Variants in CACNA2D3 observed in about 807,000 individuals in gnomAD.
CACNA2D3 encodes calcium voltage-gated channel auxiliary subunit alpha2delta 3.
In CACNA2D3, 60 loss-of-function variants were observed where a neutral mutation model predicts 160.6. That is an observed-to-expected ratio of 0.37 (90% CI 0.30 to 0.46). The LOEUF is 0.46. CACNA2D3 is among the 20% of genes least tolerant of loss of function. The pLI, the probability that CACNA2D3 is intolerant of heterozygous loss-of-function variation, is 1.00. For missense variants in CACNA2D3, 1,205 were observed against 1,365.0 expected (o/e 0.88, Z 1.85); for synonymous variants, 558 against 492.9 (o/e 1.13, Z -1.75).
chr3:54,538,822 G>T (rs1002874763), intron 5 of CACNA2D3, among the ~76,000 whole-genome samples: 9 of 152,194 alleles, frequency 5.9e-5, no homozygotes, highest in South Asian at 4.1e-4. Flanking sequence ...GGCGGGACCA[G>T]AAGAGTCCAT....
chr3:54,152,215 T>G (rs1559864265), intron 2 of CACNA2D3, among the ~76,000 whole-genome samples: 1 of 152,192 alleles, frequency 6.6e-6, no homozygotes, highest in Non-Finnish European at 1.5e-5. Flanking sequence ...GGCACCAACA[T>G]GTAGTGGTTA....
rs556185051 is a variant in CACNA2D3, at chr3:54,134,343, G to A, written c.204+10749G>A. Reference sequence around the variant, plus strand: ...CCTTAAATTTCCCCAGGGCGTGCTTGCTCTTTCTGACCTGGAGAGGCTCCC... The same window carrying A: ...CCTTAAATTTCCCCAGGGCGTGCTTACTCTTTCTGACCTGGAGAGGCTCCC... On this transcript the variant is annotated intron_variant, in intron 2 of 37. Transcript: ENST00000474759. Among the ~76,000 whole-genome samples, 6 of 152,250 alleles carry A rather than the reference G, an allele frequency of 3.9e-5. No homozygotes were observed. In the South Asian group the frequency reaches 1.2e-3, roughly 32 times the overall value.
At chr3:54,975,815 A>T (rs1254265300) in intron 29 of CACNA2D3, among the ~76,000 whole-genome samples, 1 of 152,144 alleles carries the variant, frequency 6.6e-6, no homozygotes, top group African/African-American at 2.4e-5. Context: ...TAGCTCAAGA[A>T]TTGCTATGCC....
intron 27 of CACNA2D3, among the ~76,000 whole-genome samples, chr3:54,945,346 T>C (rs1329886591): frequency 6.6e-6 from 1 of 152,214 alleles, no homozygotes; most frequent in African/African-American, 2.4e-5. Context: ...CCTTACTCTG[T>C]AGTATCTTGG....
intron 11 of CACNA2D3, among the ~76,000 whole-genome samples, chr3:54,673,975 A>G (rs928310090): frequency 1.4e-4 from 21 of 152,232 alleles, no homozygotes; most frequent in Admixed American, 8.5e-4. Flanking sequence ...TGTGTCTTCC[A>G]TGGCTGATGA....
At chr3:54,706,523 C>G (rs995876028) in intron 11 of CACNA2D3, among the ~76,000 whole-genome samples, 10 of 152,150 alleles carry the variant, frequency 6.6e-5, no homozygotes, top group African/African-American at 1.9e-4. Flanking sequence ...AAAATGGTAT[C>G]TATCCTCAGG....
chr3:54,514,226 G>T (rs1279553473), intron 5 of CACNA2D3, among the ~76,000 whole-genome samples: 1 of 152,106 alleles, frequency 6.6e-6, no homozygotes, highest in Non-Finnish European at 1.5e-5. Flanking sequence ...GGATATTTCT[G>T]TTGGGAATGA....
At chr3:55,045,373 G>A (rs1022834545) in intron 35 of CACNA2D3, among the ~76,000 whole-genome samples, 1 of 152,112 alleles carries the variant, frequency 6.6e-6, no homozygotes, top group African/African-American at 2.4e-5. Context: ...TTATAATGCT[G>A]TCATCTGGTT....
intron 9 of CACNA2D3, among the ~76,000 whole-genome samples, chr3:54,592,341 C>T (rs1702875387): frequency 6.6e-6 from 1 of 152,176 alleles, no homozygotes; most frequent in Admixed American, 6.5e-5. Context: ...AGCACACCAT[C>T]CCTGAAGAGG....
intron 11 of CACNA2D3, among the ~76,000 whole-genome samples, chr3:54,701,715 T>C (rs1700770456): frequency 6.6e-6 from 1 of 152,184 alleles, no homozygotes; most frequent in South Asian, 2.1e-4. Context: ...AAACTACTAA[T>C]GTCATTTTTC....
intron 3 of CACNA2D3, among the ~76,000 whole-genome samples, chr3:54,343,194 C>A (rs569877791): frequency 1.3e-5 from 2 of 152,192 alleles, no homozygotes; most frequent in African/African-American, 4.8e-5. Context: ...TAAAGCCCCC[C>A]CCTCCCACGA....
At chr3:54,598,510 G>T (rs533016949) in intron 9 of CACNA2D3, among the ~76,000 whole-genome samples, 1 of 152,088 alleles carries the variant, frequency 6.6e-6, no homozygotes, top group Admixed American at 6.5e-5. Context: ...TTTATTGAGA[G>T]GTGTTTACAT....
intron 35 of CACNA2D3, among the ~76,000 whole-genome samples, chr3:55,030,624 G>T (rs561679414): frequency 6.6e-6 from 1 of 152,080 alleles, no homozygotes; most frequent in Non-Finnish European, 1.5e-5. Flanking sequence ...TATAATAATT[G>T]GGATTAAAAC....
intron 25 of CACNA2D3, among the ~76,000 whole-genome samples, chr3:54,894,088 T>C (rs2106874080): frequency 6.6e-6 from 1 of 152,320 alleles, no homozygotes; most frequent in South Asian, 2.1e-4. Context: ...GAGACTCAAT[T>C]ACTCACTCAG....
intron 11 of CACNA2D3, among the ~76,000 whole-genome samples, chr3:54,655,962 T>G (rs537104162): frequency 3.6e-4 from 55 of 152,338 alleles, no homozygotes; most frequent in African/African-American, 1.3e-3. Context: ...TGTGGTTCCC[T>G]CATTTAGAAA....
intron 13 of CACNA2D3, among the ~76,000 whole-genome samples, chr3:54,803,103 A>T (rs1638551586): frequency 6.6e-6 from 1 of 152,182 alleles, no homozygotes; most frequent in Non-Finnish European, 1.5e-5. Flanking sequence ...AACCACAAAG[A>T]TGGGGAAAAA....
chr3:54,733,276 A>G (rs750561607), intron 11 of CACNA2D3, among the ~76,000 whole-genome samples: 1 of 152,226 alleles, frequency 6.6e-6, no homozygotes, highest in Non-Finnish European at 1.5e-5. Context: ...TGAGTTACCC[A>G]CGTCACTTGG....
intron 4 of CACNA2D3, among the ~76,000 whole-genome samples, chr3:54,422,153 T>G: frequency 6.6e-6 from 1 of 152,240 alleles, no homozygotes; most frequent in Admixed American, 6.5e-5. Flanking sequence ...TAATTGAACC[T>G]GGTAACGATG....
chr3:54,846,446 G>A lies in CACNA2D3; in HGVS notation c.1605G>A (p.Thr535=), dbSNP rs778939933. The change falls in exon 17 of 38, where the codon ACG becomes ACA. Residue 535 remains threonine, a synonymous_variant. Transcript: ENST00000474759. ...FAITNNGYIL[T]HPELRLLYEE... Reference sequence around the variant, plus strand: ...TCACAAATAATGGATATATCCTGACGCATCCGGAACTCAGGCTGCTGGTAA... The same window carrying A: ...TCACAAATAATGGATATATCCTGACACATCCGGAACTCAGGCTGCTGGTAA... The A allele has an allele frequency of 1.2e-5, 20 of 1,601,494 alleles. No individual in the cohort carries two copies. In the South Asian group the frequency reaches 1.4e-4, roughly 11 times the overall value.
Sources: allele counts gnomAD v4.1 joint callset (sites outside exome capture counted in the v4.1 genomes callset), GRCh38; gene constraint gnomAD v4.1.1; transcripts MANE v1.5; gene names NCBI Gene and HGNC (gene_info 2026-07-23, HGNC 2026-07-21).